The following PLSCR1 variants were observed in gnomAD, a reference collection of about 807,000 sequenced individuals.
The protein encoded by PLSCR1 is phospholipid scramblase 1, also known as PL scramblase 1.
PLSCR1 carries 17 observed loss-of-function variants against 37.8 expected under a neutral mutation model. That is an observed-to-expected ratio of 0.45 (90% CI 0.31 to 0.68). PLSCR1 has a LOEUF of 0.68. Ranked by LOEUF, PLSCR1 falls within the 30% of genes least tolerant of loss-of-function variation. The pLI is 0.06. For missense variants in PLSCR1, 347 were observed against 380.9 expected, an observed-to-expected ratio of 0.91 and a Z score of 0.74; for synonymous variants, 116 against 125.9, an observed-to-expected ratio of 0.92 and a Z score of 0.53.
At chr3:146,528,580 G>GT in intron 4 of PLSCR1, 34 bp downstream of exon 4, 1 of 1,539,608 alleles carries the variant, frequency 6.5e-7, no homozygotes, top group Non-Finnish European at 9.0e-7. Flanking sequence ...GCACAGTTCT[G>GT]TTTTTTATGA....
At chr3:146,520,285 C>T (rs1321583271) in intron 7 of PLSCR1, 1 of 152,006 alleles carries the variant, frequency 6.6e-6, no homozygotes, top group Non-Finnish European at 1.5e-5. Flanking sequence ...GTATCAAATA[C>T]AAGGATTACA....
intron 7 of PLSCR1, among the ~76,000 whole-genome samples, chr3:146,517,661 G>A (rs1301739445): frequency 6.6e-6 from 1 of 152,196 alleles, no homozygotes; most frequent in Non-Finnish European, 1.5e-5. Flanking sequence ...AAGATTAGCA[G>A]TTTGGAGTAA....
chr3:146,526,919 A>T (rs950579455), intron 4 of PLSCR1, among the ~76,000 whole-genome samples: 22 of 152,160 alleles, frequency 1.4e-4, no homozygotes, highest in Non-Finnish European at 2.8e-4. Flanking sequence ...AGGCAGGCGG[A>T]TCACAAGTTC....
At position 146,521,695 on chromosome 3, in the gene PLSCR1, T is replaced by G; in HGVS notation, c.587A>C (p.Gln196Pro). The G allele has an allele frequency of 6.2e-7, 1 of 1,612,702 alleles. No individual in the cohort carries two copies. Among genetic ancestry groups the G allele is most frequent in the Non-Finnish European group, 8.5e-7 (1 of 1,178,998 alleles). Residue 196 changes from glutamine to proline, a missense_variant, in exon 7 of 9, where the codon CAA becomes CCA. By Grantham distance (76) the Gln-to-Pro change is moderately conservative (BLOSUM62 -1). Coordinates refer to ENST00000342435, the MANE Select transcript of PLSCR1 (RefSeq NM_021105.3). ...CPCCLQEIEIQAPPGVPIGYV... is the reference protein window; with the variant it reads ...CPCCLQEIEIPAPPGVPIGYV... Reference sequence around the variant, plus strand: ...ACCTATTGGTACACCAGGAGGAGCTTGGATTTCTATCTACAAAGGCAAAAT... The same window carrying G: ...ACCTATTGGTACACCAGGAGGAGCTGGGATTTCTATCTACAAAGGCAAAAT...
intron 1 of PLSCR1, among the ~76,000 whole-genome samples, chr3:146,537,759 A>G (rs1271325948): frequency 6.6e-6 from 1 of 152,004 alleles, no homozygotes; most frequent in Non-Finnish European, 1.5e-5. Context: ...AGTCCCAACT[A>G]CTCGGGAGGT....
Position 146,523,775 on chromosome 3 carries a change from A to G in PLSCR1, c.356-1722T>C, listed in dbSNP as rs186734776. ...ATGGCTGCAAAATGCTGACACTCAC[A>G]TACTTTGTATCAAGGGCTTTCCATA... On this transcript the variant is annotated intron_variant, in intron 5 of 8. Coordinates refer to ENST00000342435, the MANE Select transcript of PLSCR1 (RefSeq NM_021105.3). Among the ~76,000 whole-genome samples the G allele has an allele frequency of 1.2e-3, 187 of 152,356 alleles. 1 individual carries two copies. The highest frequency in any genetic ancestry group is 2.5e-3 in the Non-Finnish European group (167 of 68,036).
chr3:146,543,151 T>G (rs1202834450), intron 1 of PLSCR1, among the ~76,000 whole-genome samples: 5 of 152,066 alleles, frequency 3.3e-5, no homozygotes, highest in Non-Finnish European at 1.5e-5. Flanking sequence ...ACGTCCCTCA[T>G]TCAAGTAAAG....
chr3:146,529,633 C>T (rs527672989), intron 3 of PLSCR1, among the ~76,000 whole-genome samples: 5 of 152,178 alleles, frequency 3.3e-5, no homozygotes, highest in Admixed American at 2.0e-4. Flanking sequence ...CTGCCTCAGC[C>T]TCCTAAGTAG....
chr3:146,528,057 A>C (rs1158073501), intron 4 of PLSCR1: 1 of 152,276 alleles, frequency 6.6e-6, no homozygotes, highest in Admixed American at 6.5e-5. Context: ...GTCATATTAT[A>C]CATAAAATAT....
intron 6 of PLSCR1, 23 bp downstream of exon 6, chr3:146,521,810 T>C: frequency 6.3e-7 from 1 of 1,591,832 alleles, no homozygotes; most frequent in East Asian, 2.2e-5. Context: ...TTTTACAAAG[T>C]GCCCTGGTAA....
At chr3:146,521,444 T>C in intron 7 of PLSCR1, 100 bp downstream of exon 7, 1 of 994,236 alleles carries the variant, frequency 1.0e-6, no homozygotes. Flanking sequence ...ATTGAGACAT[T>C]GGCACACAAC....
chr3:146,540,683 G>A (rs1444025582), intron 1 of PLSCR1, among the ~76,000 whole-genome samples: 1 of 152,066 alleles, frequency 6.6e-6, no homozygotes, highest in South Asian at 2.1e-4. Context: ...AGAAGATAAA[G>A]CATTTCACAT....
In PLSCR1 at chr3:146,517,175, GA is replaced by G. The variant is rs753151379; in HGVS notation, c.739-9del. 3.0e-3 allele frequency: 4,036 copies of G among 1,336,776 alleles called. No homozygotes were observed. Among genetic ancestry groups the G allele is most frequent in the South Asian group, 5.9e-3 (366 of 62,398 alleles). The allele number at this position is 1,336,776 out of a possible 1,614,324, so 82.8% of individuals were successfully genotyped here. A position where few individuals can be genotyped will look rare whatever the true frequency, so the allele number is the denominator to read the frequency against. On this transcript the variant is annotated splice_polypyrimidine_tract_variant and intron_variant, in intron 7 of 8. Coordinates refer to ENST00000342435, the MANE Select transcript of PLSCR1 (RefSeq NM_021105.3). ...TTCATCAAGAGATTTAATCTAAATT[GA>G]AAAAAAAAAGTATTAAATACTTTTA... is the stretch of plus-strand genomic sequence containing the variant.
intron 5 of PLSCR1, 34 bp from the exon 6 acceptor site, chr3:146,522,087 C>T: frequency 8.6e-7 from 1 of 1,158,988 alleles, no homozygotes; most frequent in East Asian, 2.4e-5. Flanking sequence ...ATAATCACCT[C>T]TATGTTAAAA....
chr3:146,521,994 C>T lies in PLSCR1; in HGVS notation c.415G>A (p.Val139Ile), dbSNP rs189471842. Residue 139 changes from valine (V) to isoleucine (I), a missense_variant, in exon 6 of 9, where the codon GTT (valine) becomes ATT (isoleucine). Val to Ile is a conservative substitution (Grantham distance 29, BLOSUM62 3). Coordinates refer to ENST00000342435, the MANE Select transcript of PLSCR1 (RefSeq NM_021105.3). ...TCAGTATCTTCCGCTGCAAAGTAAA[C>T]CCTCTGTCCAAAGCTGTTCTTAATT... The part of the protein sequence containing the change: ...YEIKNSFGQR[V>I]YFAAEDTDCC... 2.0e-5 allele frequency: 32 copies of T among 1,613,384 alleles called. No individual in the cohort carries two copies. In the East Asian group the frequency reaches 5.6e-4, roughly 28 times the overall value.
Position 146,528,650 on chromosome 3 carries a change from T to A in PLSCR1, c.276A>T (p.Pro92=). 1 of 1,614,154 alleles carries A rather than the reference T, an allele frequency of 6.2e-7. No individual in the cohort carries two copies. Among genetic ancestry groups the A allele is most frequent in the Non-Finnish European group, 8.5e-7 (1 of 1,179,980 alleles). ...ATTCTAATCCAGGTGGACAGTTTAA[T>A]GGAGGCTGTGGCGCTGGCATCCATG... ...GVPWMPAPQP[P]LNCPPGLEYL... The change falls in exon 4 of 9, where the codon CCA becomes CCT. Residue 92 remains proline, a synonymous_variant. Coordinates refer to ENST00000342435, the MANE Select transcript of PLSCR1 (RefSeq NM_021105.3).
chr3:146,518,868 T>C (rs2043981652), intron 7 of PLSCR1, among the ~76,000 whole-genome samples: 2 of 152,200 alleles, frequency 1.3e-5, no homozygotes, highest in South Asian at 4.1e-4. Context: ...AAATTGGTAT[T>C]GTATAATGTT....
At chr3:146,523,981 T>A (rs1305305982) in intron 5 of PLSCR1, among the ~76,000 whole-genome samples, 1 of 152,224 alleles carries the variant, frequency 6.6e-6, no homozygotes, top group Admixed American at 6.5e-5. Flanking sequence ...GGAAAGACTC[T>A]GAGTCGGATA....
intron 7 of PLSCR1, among the ~76,000 whole-genome samples, chr3:146,520,949 C>T (rs2044010145): frequency 6.6e-6 from 1 of 152,096 alleles, no homozygotes; most frequent in Admixed American, 6.6e-5. Flanking sequence ...TGAAGAGCTA[C>T]TCTAATGAAA....
Sources: gnomAD v4.1 joint callset for allele counts (sites outside exome capture counted in the v4.1 genomes callset) on GRCh38, gnomAD v4.1.1 for gene constraint, MANE v1.5 for transcripts, NCBI Gene and HGNC (gene_info 2026-07-23, HGNC 2026-07-21) for gene names.